Variants in KCNJ6 observed in about 807,000 individuals in gnomAD.
KCNJ6 encodes the protein G protein-activated inward rectifier potassium channel 2.
A neutral mutation model predicts 34.2 loss-of-function variants in KCNJ6; 9 were observed. The observed-to-expected ratio is 0.26, with a 90% CI of 0.16 to 0.46. The LOEUF is 0.46. KCNJ6 is among the 20% of genes least tolerant of loss of function. KCNJ6 has a pLI of 1.00. For synonymous variants in KCNJ6, 196 were observed against 207.1 expected (o/e 0.95, Z 0.46); for missense variants, 236 against 531.3 (o/e 0.44, Z 5.46).
chr21:37,700,829 C>A (rs542404301), intron 3 of KCNJ6, among the ~76,000 whole-genome samples: 2 of 152,194 alleles, frequency 1.3e-5, no homozygotes, highest in African/African-American at 4.8e-5. Context: ...CAGCAGATGG[C>A]AGTAGAGTGT....
At chr21:37,753,734 CTAA>C (rs1176529501) in intron 2 of KCNJ6, among the ~76,000 whole-genome samples, 1 of 152,182 alleles carries the variant, frequency 6.6e-6, no homozygotes, top group Non-Finnish European at 1.5e-5. Flanking sequence ...AACGCTGTCA[CTAA>C]TGTTATGTTT....
rs1388310380 is a variant in KCNJ6, at chr21:37,610,147, G to A, written c.*15012C>T. 1 of 152,122 alleles carries A rather than the reference G, an allele frequency of 6.6e-6. No homozygotes were observed. Among genetic ancestry groups the A allele is most frequent in the Admixed American group, 6.6e-5 (1 of 15,262 alleles). 9.4% of individuals were successfully genotyped at this position (152,122 alleles called of 1,614,324 possible). On this transcript the variant is annotated 3_prime_UTR_variant, in exon 4 of 4. Coordinates refer to ENST00000609713, the MANE Select transcript of KCNJ6 (RefSeq NM_002240.5). The stretch of plus-strand genomic sequence containing the variant: ...TGAGACTTAAAGCTGAACCATCTGG[G>A]GTCATTTAGTGTAGAGGTACAGTCT...
At chr21:37,810,436 G>A (rs569745096) in intron 2 of KCNJ6, among the ~76,000 whole-genome samples, 1 of 152,270 alleles carries the variant, frequency 6.6e-6, no homozygotes, top group South Asian at 2.1e-4. Flanking sequence ...GCAAGAGCAA[G>A]GTTTGATCCA....
intron 1 of KCNJ6, among the ~76,000 whole-genome samples, chr21:37,888,686 C>A (rs924415951): frequency 6.6e-6 from 1 of 152,188 alleles, no homozygotes. Flanking sequence ...GCAGGAGATA[C>A]GAGCCCATGG....
At chr21:37,684,307 C>T (rs1490853757) in intron 3 of KCNJ6, among the ~76,000 whole-genome samples, 1 of 151,852 alleles carries the variant, frequency 6.6e-6, no homozygotes, top group African/African-American at 2.4e-5. Flanking sequence ...CTTCACACGG[C>T]CTTCTCCCCG....
chr21:37,713,305 G>T (rs1012611358), intron 3 of KCNJ6, among the ~76,000 whole-genome samples: 3 of 151,984 alleles, frequency 2.0e-5, no homozygotes, highest in African/African-American at 7.3e-5. Flanking sequence ...TCAGGAAAAA[G>T]GACCCCAAAG....
At chr21:37,678,397 G>A (rs1344006609) in intron 3 of KCNJ6, among the ~76,000 whole-genome samples, 3 of 152,216 alleles carry the variant, frequency 2.0e-5, no homozygotes, top group Non-Finnish European at 2.9e-5. Flanking sequence ...GTTTTAGAGA[G>A]AAACTTCTGG....
intron 2 of KCNJ6, among the ~76,000 whole-genome samples, chr21:37,778,336 AG>A (rs2055152361): frequency 6.6e-6 from 1 of 152,128 alleles, no homozygotes; most frequent in Non-Finnish European, 1.5e-5. Context: ...TCTGTTTCTA[AG>A]ATTGTAAAAC....
chr21:37,879,975 G>T (rs936227184), intron 1 of KCNJ6, among the ~76,000 whole-genome samples: 1 of 151,926 alleles, frequency 6.6e-6, no homozygotes, highest in Non-Finnish European at 1.5e-5. Flanking sequence ...TGGATGAAAT[G>T]TTGGCTGGGC....
At chr21:37,652,881 T>A (rs2054440168) in intron 3 of KCNJ6, among the ~76,000 whole-genome samples, 1 of 152,218 alleles carries the variant, frequency 6.6e-6, no homozygotes, top group East Asian at 1.9e-4. Flanking sequence ...GATTCCTGTC[T>A]GATGTTTTCA....
intron 2 of KCNJ6, among the ~76,000 whole-genome samples, chr21:37,774,813 T>C (rs1257567955): frequency 2.0e-5 from 3 of 152,192 alleles, no homozygotes; most frequent in South Asian, 2.1e-4. Flanking sequence ...TAAACATACA[T>C]GTGCATGTGT....
intron 2 of KCNJ6, among the ~76,000 whole-genome samples, chr21:37,782,118 T>A (rs1038343821): frequency 6.7e-6 from 1 of 149,856 alleles, no homozygotes; most frequent in Admixed American, 6.6e-5. Context: ...ACGGATGGGG[T>A]GGGAAAAGAG....
chr21:37,910,244 T>G (rs1259907300), intron 1 of KCNJ6, among the ~76,000 whole-genome samples: 2 of 152,186 alleles, frequency 1.3e-5, no homozygotes, highest in Admixed American at 6.5e-5. Flanking sequence ...CAGATACACC[T>G]AGACCTTGAT....
At chr21:37,839,732 G>T (rs868648897) in intron 2 of KCNJ6, among the ~76,000 whole-genome samples, 2 of 152,136 alleles carry the variant, frequency 1.3e-5, no homozygotes, top group African/African-American at 4.8e-5. Flanking sequence ...TTAATAATTA[G>T]ATTTCATCAT....
intron 2 of KCNJ6, among the ~76,000 whole-genome samples, chr21:37,786,500 G>A (rs544071166): frequency 2.0e-5 from 3 of 152,278 alleles, no homozygotes; most frequent in Non-Finnish European, 4.4e-5. Context: ...AGAAAATAAG[G>A]TGCCTCTGGA....
intron 2 of KCNJ6, among the ~76,000 whole-genome samples, chr21:37,806,213 G>T (rs1202458143): frequency 1.3e-5 from 2 of 152,192 alleles, no homozygotes; most frequent in Non-Finnish European, 2.9e-5. Context: ...AAGAGATGAA[G>T]TTGTTTACCC....
rs1294554412 is a variant in KCNJ6, at chr21:37,622,315, G to C, written c.*2844C>G. ...TGGAGTGACTGAGGGAATGAGGACTGGATATTGCGGAATAGAATGAGTGGA... is the reference window on the plus strand; with the variant it reads ...TGGAGTGACTGAGGGAATGAGGACTCGATATTGCGGAATAGAATGAGTGGA... On this transcript the variant is annotated 3_prime_UTR_variant, in exon 4 of 4. Transcript: ENST00000609713. 1 of 152,164 alleles carries C rather than the reference G, an allele frequency of 6.6e-6. No homozygotes were observed. Among genetic ancestry groups the C allele is most frequent in the Non-Finnish European group, 1.5e-5 (1 of 68,036 alleles). The allele number at this position is 152,164 out of a possible 1,614,324, so 9.4% of individuals were successfully genotyped here.
chr21:37,690,781 CT>C (rs796532358), intron 3 of KCNJ6, among the ~76,000 whole-genome samples: 53,287 of 136,310 alleles, frequency 0.39, 9,999 homozygotes, highest in African/African-American at 0.53. Context: ...TTTTTCTTTT[CT>C]TTTTTTTTTT....
intron 2 of KCNJ6, among the ~76,000 whole-genome samples, chr21:37,766,889 G>C (rs1382620594): frequency 1.3e-5 from 2 of 152,146 alleles, no homozygotes; most frequent in African/African-American, 4.8e-5. Flanking sequence ...CTGCACCTGC[G>C]AGAGATCTAG....
Sources: gnomAD v4.1 joint callset for allele counts (sites outside exome capture counted in the v4.1 genomes callset) on GRCh38, gnomAD v4.1.1 for gene constraint, MANE v1.5 for transcripts, NCBI Gene and HGNC (gene_info 2026-07-23, HGNC 2026-07-21) for gene names.